Variants in SEMA3D observed in about 807,000 individuals in gnomAD.
SEMA3D encodes semaphorin 3D.
SEMA3D carries 84 observed loss-of-function variants against 100.1 expected under a neutral mutation model. The observed-to-expected ratio is 0.84, with a 90% CI of 0.70 to 1.01. The LOEUF (loss-of-function observed/expected upper bound fraction) is 1.01. Ranked by LOEUF, SEMA3D falls within the 50% of genes least tolerant of loss-of-function variation. The probability of loss-of-function intolerance (pLI) is 0.00; values close to 1 mark genes in which losing one functional copy is unlikely to be tolerated. For synonymous variants in SEMA3D, 312 were observed against 320.7 expected (o/e 0.97, Z 0.29); for missense variants, 875 against 934.1 (o/e 0.94, Z 0.82).
chr7:85,028,974 G>A (rs1584535076), intron 12 of SEMA3D: 1 of 357,422 alleles, frequency 2.8e-6, no homozygotes, highest in Non-Finnish European at 5.7e-6. Flanking sequence ...CCTATCTAGA[G>A]ACATCTCAAA....
intron 3 of SEMA3D, among the ~76,000 whole-genome samples, chr7:85,117,025 C>T (rs1247496839): frequency 1.3e-5 from 2 of 152,138 alleles, no homozygotes; most frequent in Non-Finnish European, 2.9e-5. Context: ...TCTTTGTGCT[C>T]TCCTTTTAAA....
At chr7:85,068,822 T>C (rs1174065643) in intron 6 of SEMA3D, among the ~76,000 whole-genome samples, 1 of 152,150 alleles carries the variant, frequency 6.6e-6, no homozygotes, top group Non-Finnish European at 1.5e-5. Flanking sequence ...TGTTGATACA[T>C]CTGGGTAACA....
the SEMA3D span, among the ~76,000 whole-genome samples, chr7:85,238,558 C>G: frequency 6.6e-6 from 1 of 152,150 alleles, no homozygotes; most frequent in Admixed American, 6.6e-5. Flanking sequence ...ACCAATCTGT[C>G]TCTTCTTCCT....
At chr7:85,054,532 G>C (rs1201753228) in intron 9 of SEMA3D, among the ~76,000 whole-genome samples, 1 of 152,084 alleles carries the variant, frequency 6.6e-6, no homozygotes, top group Non-Finnish European at 1.5e-5. Flanking sequence ...GGGGTGAGGG[G>C]ATCAGTGGGA....
At chr7:85,194,975 C>A in the SEMA3D span, among the ~76,000 whole-genome samples, 1 of 152,058 alleles carries the variant, frequency 6.6e-6, no homozygotes, top group Non-Finnish European at 1.5e-5. Context: ...TATCCAAATA[C>A]AGTCACATTT....
At chr7:85,203,723 G>C in the SEMA3D span, among the ~76,000 whole-genome samples, 1 of 152,234 alleles carries the variant, frequency 6.6e-6, no homozygotes, top group East Asian at 1.9e-4. Context: ...GTTTGTAAAA[G>C]TAGATGTGGA....
chr7:85,007,656 G>A (rs983183938), intron 17 of SEMA3D, among the ~76,000 whole-genome samples: 1 of 151,692 alleles, frequency 6.6e-6, no homozygotes, highest in East Asian at 1.9e-4. Flanking sequence ...ATTCCATCTA[G>A]AGTAGCCAAA....
the SEMA3D span, among the ~76,000 whole-genome samples, chr7:85,235,306 G>C: frequency 6.6e-6 from 1 of 152,070 alleles, no homozygotes; most frequent in Non-Finnish European, 1.5e-5. Context: ...CAGAATTTGA[G>C]TGTCTTACCA....
chr7:85,240,320 G>C, the SEMA3D span, among the ~76,000 whole-genome samples: 8 of 151,984 alleles, frequency 5.3e-5, no homozygotes, highest in Admixed American at 1.3e-4. Context: ...TTCCAATGTT[G>C]AACCAGCCTT....
chr7:85,054,097 T>C (rs1465012653), intron 9 of SEMA3D, among the ~76,000 whole-genome samples: 1 of 152,074 alleles, frequency 6.6e-6, no homozygotes, highest in African/African-American at 2.4e-5. Context: ...AACTAGATTT[T>C]TCTTTAATAC....
At chr7:85,056,746 A>G (rs1791328878) in intron 8 of SEMA3D, among the ~76,000 whole-genome samples, 1 of 150,464 alleles carries the variant, frequency 6.6e-6, no homozygotes, top group African/African-American at 2.4e-5. Context: ...CTATAAAATC[A>G]ATGACTGAAT....
chr7:85,090,252 G>A (rs1042193926), intron 4 of SEMA3D, among the ~76,000 whole-genome samples: 1 of 152,118 alleles, frequency 6.6e-6, no homozygotes, highest in Non-Finnish European at 1.5e-5. Context: ...CAGAGAAGGA[G>A]TTCTTGTGAG....
intron 8 of SEMA3D, 87 bp downstream of exon 8, chr7:85,065,337 A>G: frequency 8.2e-7 from 1 of 1,219,952 alleles, no homozygotes; most frequent in East Asian, 2.4e-5. Flanking sequence ...ATTATTCCAA[A>G]ACACATTTGA....
At position 85,171,608 on chromosome 7, in the gene SEMA3D, C is replaced by G. The variant is rs115506232; in HGVS notation, c.-173+15070G>C. On this transcript the variant is annotated intron_variant, in intron 1 of 18. Transcript: ENST00000284136. ...CTCAGAAAACCCACTGTTTGATAGG[C>G]AGGTCCCTTGAATAACACCTAAAGG... Among the ~76,000 whole-genome samples the G allele has an allele frequency of 6.3e-3, 952 of 151,954 alleles. 8 individuals are homozygous for G. The highest frequency in any genetic ancestry group is 0.021 in the African/African-American group (871 of 41,444).
chr7:85,100,004 A>G (rs1464794619), intron 3 of SEMA3D, among the ~76,000 whole-genome samples: 2 of 151,918 alleles, frequency 1.3e-5, no homozygotes, highest in African/African-American at 4.8e-5. Context: ...TAATTTTGAT[A>G]GTATTTAGAT....
chr7:85,123,741 T>A (rs1343111432), intron 2 of SEMA3D, among the ~76,000 whole-genome samples: 2 of 152,138 alleles, frequency 1.3e-5, no homozygotes, highest in East Asian at 3.9e-4. Context: ...CTATAAGGAA[T>A]ACTAAATTAT....
Position 85,181,179 on chromosome 7 carries a change from C to T in SEMA3D, c.-173+5499G>A, listed in dbSNP as rs532126334. ...CCTCAGGCTTATCCACTGTGAAATGCTACCCCACGCCAATCTTGCTTTCTA... is the reference window on the plus strand; with the variant it reads ...CCTCAGGCTTATCCACTGTGAAATGTTACCCCACGCCAATCTTGCTTTCTA... On this transcript the variant is annotated intron_variant, in intron 1 of 18. Transcript: ENST00000284136. Among the ~76,000 whole-genome samples the T allele has an allele frequency of 2.0e-5, 3 of 152,288 alleles. No individual in the cohort carries two copies. In the South Asian group the frequency reaches 6.2e-4, roughly 32 times the overall value.
chr7:85,066,892 T>TCACACACACACACACACA lies in SEMA3D; in HGVS notation c.589+1281_589+1298dup, dbSNP rs542898682. Among the ~76,000 whole-genome samples, 451 of 106,792 alleles carry TCACACACACACACACACA rather than the reference T, an allele frequency of 4.2e-3. 3 individuals are homozygous for TCACACACACACACACACA. Among genetic ancestry groups the TCACACACACACACACACA allele is most frequent in the African/African-American group, 0.016 (399 of 25,364 alleles). The allele number at this position is 106,792 out of a possible 152,430, so 70.1% of individuals were successfully genotyped here. A position where few individuals can be genotyped will look rare whatever the true frequency, so the allele number is the denominator to read the frequency against. On this transcript the variant is annotated intron_variant, in intron 7 of 18. Transcript: ENST00000284136. Reference sequence around the variant, plus strand: ...GCTAACTTCTAAAGGAAATGTGCGCTCACACACACACACACACACACAGAG... The same window carrying TCACACACACACACACACA: ...GCTAACTTCTAAAGGAAATGTGCGCTCACACACACACACACACACACACACACACACACACACACAGAG...
chr7:85,079,905 C>G (rs1483011607), intron 5 of SEMA3D, among the ~76,000 whole-genome samples: 2 of 152,146 alleles, frequency 1.3e-5, no homozygotes, highest in African/African-American at 4.8e-5. Flanking sequence ...GGTGCTTTTG[C>G]AGACCTTGGT....
Sources: gnomAD v4.1 joint callset for allele counts (sites outside exome capture counted in the v4.1 genomes callset) on GRCh38, gnomAD v4.1.1 for gene constraint, MANE v1.5 for transcripts, NCBI Gene and HGNC (gene_info 2026-07-23, HGNC 2026-07-21) for gene names.